MAP3K9: variants seen among roughly 807,000 people sequenced by gnomAD.
MAP3K9 encodes the protein mitogen-activated protein kinase kinase kinase 9, also known as mixed lineage kinase 1 (tyr and ser/thr specificity).
Under a neutral mutation model 95.8 loss-of-function variants are expected in MAP3K9, and 46 were observed. That is an observed-to-expected ratio of 0.48 (90% CI 0.38 to 0.61). MAP3K9 has a LOEUF of 0.61. Among genes scored for constraint, MAP3K9 ranks in the 20% least tolerant of loss-of-function variants. The pLI is 0.00. For synonymous variants in MAP3K9, 533 were observed against 593.8 expected (o/e 0.90, Z 1.49); for missense variants, 1,296 against 1,474.3 (o/e 0.88, Z 1.98).
In MAP3K9 at chr14:70,723,964, T is replaced by G. The variant is rs2053786227; in HGVS notation, c.*6416A>C. On this transcript the variant is annotated 3_prime_UTR_variant, in exon 12 of 12. Transcript: ENST00000554752. The stretch of plus-strand genomic sequence containing the variant: ...AGATGACAGAGGATGAGGAGGGTGG[T>G]GGAAACGATACTAGCAGAGGGTGTG... 6.6e-6 allele frequency: 1 copy of G among 152,074 alleles called. No individual in the cohort carries two copies. Among genetic ancestry groups the G allele is most frequent in the African/African-American group, 2.4e-5 (1 of 41,396 alleles). 9.4% of individuals were successfully genotyped at this position (152,074 alleles called of 1,614,324 possible). A position where few individuals can be genotyped will look rare whatever the true frequency, so the allele number is the denominator to read the frequency against.
At position 70,735,610 on chromosome 14, in the gene MAP3K9, G is replaced by C. The variant is rs142583779; in HGVS notation, c.1913+351C>G. Among the ~76,000 whole-genome samples, 890 of 152,232 alleles carry C rather than the reference G, an allele frequency of 5.8e-3. 27 individuals carry two copies. Among genetic ancestry groups the C allele is most frequent in the Admixed American group, 0.053 (808 of 15,296 alleles). On this transcript the variant is annotated intron_variant, in intron 9 of 11. Transcript: ENST00000554752. ...CCTGGGGCTTCCTACTGAGACTCTC[G>C]TAACATCACTTCCAGCTCTGGATCC... is the stretch of plus-strand genomic sequence containing the variant.
rs2053800244 is a variant in MAP3K9 at position 70,724,939 on chromosome 14, G to C, written c.*5441C>G. The C allele has an allele frequency of 6.6e-6, 1 of 152,246 alleles. No homozygotes were observed. The highest frequency in any genetic ancestry group is 2.4e-5 in the African/African-American group (1 of 41,454). The allele number at this position is 152,246 out of a possible 1,614,324, so 9.4% of individuals were successfully genotyped here. ...AACTAGTTAGACACCTATCTCGATA[G>C]ACACCTGTCATGTCCACATCTGCCA... On this transcript the variant is annotated 3_prime_UTR_variant, in exon 12 of 12. Coordinates refer to ENST00000554752, the MANE Select transcript of MAP3K9 (RefSeq NM_001284230.2).
chr14:70,749,698 T>C (rs537348267), intron 4 of MAP3K9: 2 of 485,084 alleles, frequency 4.1e-6, no homozygotes, highest in East Asian at 3.2e-5. Flanking sequence ...AAGTGCCGGA[T>C]AGCAGGCTTT....
At chr14:70,796,184 C>A (rs1462471110) in intron 2 of MAP3K9, among the ~76,000 whole-genome samples, 1 of 152,206 alleles carries the variant, frequency 6.6e-6, no homozygotes, top group Non-Finnish European at 1.5e-5. Flanking sequence ...CATTTAAGAC[C>A]ATCTTTCAAC....
At chr14:70,766,383 A>C (rs892148478) in intron 2 of MAP3K9, among the ~76,000 whole-genome samples, 3 of 152,290 alleles carry the variant, frequency 2.0e-5, no homozygotes, top group East Asian at 1.9e-4. Flanking sequence ...TTGGAGCACT[A>C]TAGTTATTAT....
chr14:70,771,022 G>C (rs1188816365), intron 2 of MAP3K9, among the ~76,000 whole-genome samples: 1 of 151,560 alleles, frequency 6.6e-6, no homozygotes, highest in African/African-American at 2.4e-5. Flanking sequence ...GCATAAAGTA[G>C]AGGAGATTCT....
At chr14:70,771,046 A>G (rs2054525247) in intron 2 of MAP3K9, among the ~76,000 whole-genome samples, 1 of 151,002 alleles carries the variant, frequency 6.6e-6, no homozygotes, top group East Asian at 1.9e-4. Flanking sequence ...ATATAAAGGG[A>G]TTGCTTTTTT....
chr14:70,804,797 T>C (rs190793957), intron 1 of MAP3K9, among the ~76,000 whole-genome samples: 3 of 152,184 alleles, frequency 2.0e-5, no homozygotes, highest in East Asian at 3.9e-4. Context: ...TCTCTTTGAG[T>C]AGAACATAAA....
chr14:70,734,324 G>T, intron 10 of MAP3K9, 62 bp downstream of exon 10: 1 of 1,161,740 alleles, frequency 8.6e-7, no homozygotes, highest in Non-Finnish European at 1.3e-6. Flanking sequence ...CTAGAAGCTT[G>T]GGCAAGAATG....
Position 70,809,001 on chromosome 14 carries a change from CCAGTAGGGCAGCGGCGCGTCG to C in MAP3K9, c.150_170del (p.Cys50_Tyr56del), listed in dbSNP as rs1285675493. The C allele has an allele frequency of 6.5e-7, 1 of 1,540,796 alleles. No individual in the cohort carries two copies. On this transcript the variant is annotated inframe_deletion, in exon 1 of 12. Coordinates refer to ENST00000554752, the MANE Select transcript of MAP3K9 (RefSeq NM_001284230.2). ...CCGCCTCGTACTCGAACACGGCCGT[CCAGTAGGGCAGCGGCGCGTCG>C]CAGCCCAGCTCCCCGGGGCCCACCG...
chr14:70,776,151 T>C (rs1403370286), intron 2 of MAP3K9, among the ~76,000 whole-genome samples: 1 of 152,112 alleles, frequency 6.6e-6, no homozygotes, highest in Non-Finnish European at 1.5e-5. Context: ...ATCGCGCCAT[T>C]ACACTCCAGC....
intron 2 of MAP3K9, among the ~76,000 whole-genome samples, chr14:70,795,065 C>T (rs2054849256): frequency 7.2e-6 from 1 of 138,260 alleles, no homozygotes; most frequent in Non-Finnish European, 1.5e-5. Context: ...TCAATCTTGG[C>T]TCACCACAAC....
chr14:70,765,119 A>G (rs1372360262), intron 2 of MAP3K9, among the ~76,000 whole-genome samples: 1 of 152,202 alleles, frequency 6.6e-6, no homozygotes, highest in Non-Finnish European at 1.5e-5. Flanking sequence ...ACTTGAAGTC[A>G]GCAGTTCAAG....
chr14:70,745,339 G>A (rs949165922), intron 5 of MAP3K9, among the ~76,000 whole-genome samples: 3 of 152,146 alleles, frequency 2.0e-5, no homozygotes, highest in South Asian at 2.1e-4. Flanking sequence ...AGGTAAAAGT[G>A]GAAGAGAGGA....
chr14:70,749,832 C>CT, intron 4 of MAP3K9, 101 bp downstream of exon 4: 2 of 1,401,486 alleles, frequency 1.4e-6, no homozygotes, highest in Non-Finnish European at 2.0e-6. Flanking sequence ...GAAACTTTAT[C>CT]TCCTCTTTCA....
intron 3 of MAP3K9, among the ~76,000 whole-genome samples, chr14:70,759,367 G>A (rs144265320): frequency 3.8e-4 from 58 of 152,204 alleles, no homozygotes; most frequent in African/African-American, 1.2e-3. Context: ...ACTTGAACCC[G>A]GGAGGCAGAG....
At chr14:70,764,556 G>A (rs2054423196) in intron 2 of MAP3K9, among the ~76,000 whole-genome samples, 1 of 151,940 alleles carries the variant, frequency 6.6e-6, no homozygotes, top group African/African-American at 2.4e-5. Flanking sequence ...GTAGGCTGAG[G>A]GTGGTGGCTC....
intron 7 of MAP3K9, 91 bp downstream of exon 7, chr14:70,739,951 G>C: frequency 6.2e-7 from 1 of 1,614,154 alleles, no homozygotes; most frequent in Non-Finnish European, 8.5e-7. Context: ...GTTATGGATG[G>C]AGCAAGCCTG....
intron 2 of MAP3K9, among the ~76,000 whole-genome samples, chr14:70,789,020 C>T (rs201108778): frequency 6.6e-6 from 1 of 152,158 alleles, no homozygotes; most frequent in East Asian, 1.9e-4. Flanking sequence ...TGCCTTCCTC[C>T]TGGGGCAAAA....
Sources: gnomAD v4.1 joint callset for allele counts (sites outside exome capture counted in the v4.1 genomes callset) on GRCh38, gnomAD v4.1.1 for gene constraint, MANE v1.5 for transcripts, NCBI Gene and HGNC (gene_info 2026-07-23, HGNC 2026-07-21) for gene names.